Variants in STON2 observed in about 807,000 individuals in gnomAD.
STON2 encodes the protein stonin 2.
In STON2, 29 loss-of-function variants were observed where a neutral mutation model predicts 65.7. That is an observed-to-expected ratio of 0.44 (90% CI 0.33 to 0.60). The LOEUF (loss-of-function observed/expected upper bound fraction) is 0.60, where lower values mean the gene tolerates loss of function less well. Among genes scored for constraint, STON2 ranks in the 20% least tolerant of loss-of-function variants. STON2 has a pLI of 0.03. For synonymous variants in STON2, 404 were observed against 414.2 expected (o/e 0.98, Z 0.30); for missense variants, 1,054 against 1,118.1 (o/e 0.94, Z 0.82).
In STON2 at chr14:81,278,406, G is replaced by C. The variant is rs1894960812; in HGVS notation, c.1076C>G (p.Ser359Cys). ...LDISSLNRTP[S>C]VTEASPWRAT... ...CCTCCAAGGTGAAGCCTCAGTTACAGAAGGCGTGCGGTTTAAAGAGGAAAT... is the reference window on the plus strand; with the variant it reads ...CCTCCAAGGTGAAGCCTCAGTTACACAAGGCGTGCGGTTTAAAGAGGAAAT... The change falls in exon 6 of 8, where the codon TCT (serine) becomes TGT (cysteine). Residue 359 changes from serine (S) to cysteine (C), a missense_variant. Ser to Cys is a moderately radical substitution (Grantham distance 112). Coordinates refer to ENST00000614646, the MANE Select transcript of STON2 (RefSeq NM_001394390.1). 6.2e-7 allele frequency: 1 copy of C among 1,614,140 alleles called. No homozygotes were observed. Among genetic ancestry groups the C allele is most frequent in the African/African-American group, 1.3e-5 (1 of 74,942 alleles).
At position 81,261,531 on chromosome 14, in the gene STON2, GACA is replaced by G; in HGVS notation, c.*6880_*6882del. On this transcript the variant is annotated 3_prime_UTR_variant, in exon 8 of 8. Transcript: ENST00000614646. ...TAACTACAATTTGATGTTACTAAGAGACAACGAGGATACAGAGGGGACTGTCCC... is the reference window on the plus strand; with the variant it reads ...TAACTACAATTTGATGTTACTAAGAGACGAGGATACAGAGGGGACTGTCCC... 1 of 337,326 alleles carries G rather than the reference GACA, an allele frequency of 3.0e-6. No individual in the cohort carries two copies. The highest frequency in any genetic ancestry group is 5.3e-6 in the Non-Finnish European group (1 of 189,370). 20.9% of individuals were successfully genotyped at this position (337,326 alleles called of 1,614,324 possible).
At chr14:81,365,681 G>A (rs113824181) in intron 4 of STON2, among the ~76,000 whole-genome samples, 78 of 152,210 alleles carry the variant, frequency 5.1e-4, no homozygotes, top group Non-Finnish European at 6.9e-4. Flanking sequence ...ACTTGAACCC[G>A]GAAGGTGGAG....
At chr14:81,412,924 C>T (rs533980707) in intron 2 of STON2, 3 of 712,060 alleles carry the variant, frequency 4.2e-6, no homozygotes, top group Admixed American at 2.2e-5. Flanking sequence ...TAGCACCTCC[C>T]CAGGAGACCG....
chr14:81,319,108 A>C (rs73337734), intron 5 of STON2, among the ~76,000 whole-genome samples: 5,369 of 152,282 alleles, frequency 0.035, 304 homozygotes, highest in African/African-American at 0.12. Context: ...GTCCAGCCTA[A>C]AATCAACCAA....
chr14:81,431,872 G>A (rs532943148), intron 1 of STON2, among the ~76,000 whole-genome samples: 1 of 152,196 alleles, frequency 6.6e-6, no homozygotes, highest in African/African-American at 2.4e-5. Context: ...TTGAACCTGG[G>A]AGGTAGAGGT....
chr14:81,419,325 G>C (rs1595466609), intron 2 of STON2, among the ~76,000 whole-genome samples: 1 of 152,210 alleles, frequency 6.6e-6, no homozygotes, highest in African/African-American at 2.4e-5. Flanking sequence ...CACACAAGTA[G>C]TAAGTGGCAA....
intron 4 of STON2, among the ~76,000 whole-genome samples, chr14:81,348,058 G>T (rs1197613412): frequency 6.6e-6 from 1 of 151,928 alleles, no homozygotes; most frequent in Non-Finnish European, 1.5e-5. Context: ...AAGAGCATTT[G>T]GTAAAATTCA....
chr14:81,391,955 A>C (rs972022560), intron 3 of STON2, among the ~76,000 whole-genome samples: 1 of 152,184 alleles, frequency 6.6e-6, no homozygotes, highest in African/African-American at 2.4e-5. Flanking sequence ...GAACACTGTC[A>C]TTTCTTGATT....
intron 2 of STON2, among the ~76,000 whole-genome samples, chr14:81,422,300 CTT>C (rs907974281): frequency 1.2e-4 from 18 of 152,136 alleles, no homozygotes; most frequent in South Asian, 2.1e-4. Context: ...TCCTTTTTCT[CTT>C]GTTTCTGCTG....
At chr14:81,289,697 T>G (rs1042602019) in intron 5 of STON2, among the ~76,000 whole-genome samples, 1 of 152,230 alleles carries the variant, frequency 6.6e-6, no homozygotes, top group Non-Finnish European at 1.5e-5. Flanking sequence ...TTTTTGGCAT[T>G]GTGCCTGCAC....
At chr14:81,418,533 A>T (rs1901550139) in intron 2 of STON2, among the ~76,000 whole-genome samples, 1 of 152,232 alleles carries the variant, frequency 6.6e-6, no homozygotes, top group East Asian at 1.9e-4. Context: ...TTAAAGCTTA[A>T]CGACTCTTAA....
chr14:81,405,971 C>A (rs1476119366), intron 2 of STON2, among the ~76,000 whole-genome samples: 1 of 152,158 alleles, frequency 6.6e-6, no homozygotes, highest in African/African-American at 2.4e-5. Flanking sequence ...AGTGGAATGA[C>A]CAGACTTGCT....
chr14:81,400,624 G>T (rs1248344149), upstream of STON2, among the ~76,000 whole-genome samples: 1 of 152,156 alleles, frequency 6.6e-6, no homozygotes, highest in Non-Finnish European at 1.5e-5. Flanking sequence ...GAGAACAGGG[G>T]ACGAAGGTGA....
chr14:81,356,651 G>A (rs1242402877), intron 4 of STON2, among the ~76,000 whole-genome samples: 1 of 152,108 alleles, frequency 6.6e-6, no homozygotes, highest in Non-Finnish European at 1.5e-5. Context: ...TCTCTTTTTG[G>A]TTGGTAAGCT....
At chr14:81,364,884 T>C (rs780281356) in intron 4 of STON2, among the ~76,000 whole-genome samples, 2 of 152,216 alleles carry the variant, frequency 1.3e-5, no homozygotes, top group East Asian at 3.9e-4. Context: ...ATCCACCTGA[T>C]AGCAATAACA....
intron 4 of STON2, among the ~76,000 whole-genome samples, chr14:81,368,816 C>T (rs1289638487): frequency 2.0e-5 from 3 of 152,230 alleles, no homozygotes; most frequent in Non-Finnish European, 4.4e-5. Context: ...CATCCCTCCT[C>T]ATTCTCTAGT....
At chr14:81,364,640 A>G (rs1898640164) in intron 4 of STON2, among the ~76,000 whole-genome samples, 1 of 152,214 alleles carries the variant, frequency 6.6e-6, no homozygotes, top group Non-Finnish European at 1.5e-5. Flanking sequence ...GTATACGAAT[A>G]TAAATTATAC....
chr14:81,429,281 G>C (rs1286224387), intron 1 of STON2, among the ~76,000 whole-genome samples: 1 of 152,238 alleles, frequency 6.6e-6, no homozygotes, highest in Non-Finnish European at 1.5e-5. Context: ...AGGGGAAGCA[G>C]GGTCAGTTAT....
intron 4 of STON2, among the ~76,000 whole-genome samples, chr14:81,325,913 A>G (rs546574242): frequency 5.0e-4 from 76 of 152,178 alleles, no homozygotes; most frequent in Admixed American, 1.0e-3. Context: ...TTGAATAGAT[A>G]CTACACGTTT....
Sources: gnomAD v4.1 joint callset for allele counts (sites outside exome capture counted in the v4.1 genomes callset) on GRCh38, gnomAD v4.1.1 for gene constraint, MANE v1.5 for transcripts, NCBI Gene and HGNC (gene_info 2026-07-23, HGNC 2026-07-21) for gene names.